HDAC11: variants seen among roughly 807,000 people sequenced by gnomAD.
HDAC11 encodes the protein histone deacetylase 11.
In HDAC11, 23 loss-of-function variants were observed where a neutral mutation model predicts 41.1. That is an observed-to-expected ratio of 0.56 (90% CI 0.40 to 0.79). HDAC11 has a LOEUF of 0.79. Ranked by LOEUF, HDAC11 falls within the 30% of genes least tolerant of loss-of-function variation. The pLI, the probability that HDAC11 is intolerant of heterozygous loss-of-function variation, is 0.00. For synonymous variants in HDAC11, 187 were observed against 186.6 expected, an observed-to-expected ratio of 1.00 and a Z score of -0.02; for missense variants, 402 against 477.3, an observed-to-expected ratio of 0.84 and a Z score of 1.47.
At chr3:13,490,744 CTTTTTTTTTTTTTTTT>C (rs59531656) in intron 3 of HDAC11, among the ~76,000 whole-genome samples, 4 of 41,404 alleles carry the variant, frequency 9.7e-5, no homozygotes, top group African/African-American at 3.1e-4. Flanking sequence ...GCATTTTTTT[CTTTTTTTTTTTTTTTT>C]TTTTTTTTTT....
rs1701298969 is a variant in HDAC11, at chr3:13,481,183, G to A, written c.3-63G>A. ...CTGGTGGGTCAGTCCAGGCGGGCTCGGGAGGGAGCTGCTTTCTGCCGAGGC... is the reference window on the plus strand; with the variant it reads ...CTGGTGGGTCAGTCCAGGCGGGCTCAGGAGGGAGCTGCTTTCTGCCGAGGC... On this transcript the variant is annotated intron_variant, in intron 1 of 9. Coordinates refer to ENST00000295757, the MANE Select transcript of HDAC11 (RefSeq NM_024827.4). 3.9e-6 allele frequency: 6 copies of A among 1,547,802 alleles called. No homozygotes were observed. The South Asian group carries it at 6.1e-5, about 16-fold the overall frequency.
intron 3 of HDAC11, among the ~76,000 whole-genome samples, chr3:13,488,699 A>G (rs1701710158): frequency 1.3e-5 from 2 of 152,164 alleles, no homozygotes; most frequent in Admixed American, 6.5e-5. Context: ...TATTGTGAGT[A>G]GTGTTGCTGT....
intron 3 of HDAC11, among the ~76,000 whole-genome samples, chr3:13,487,029 C>A (rs906782052): frequency 2.0e-5 from 3 of 152,066 alleles, no homozygotes; most frequent in African/African-American, 7.2e-5. Context: ...TTAGGGAGGC[C>A]AGAGCCCCAG....
intron 3 of HDAC11, among the ~76,000 whole-genome samples, chr3:13,496,166 C>T (rs868186054): frequency 2.6e-5 from 4 of 152,182 alleles, no homozygotes; most frequent in East Asian, 1.9e-4. Flanking sequence ...TTTCAGGTAC[C>T]GTAGACCCCC....
intron 6 of HDAC11, chr3:13,501,579 A>G: frequency 1.6e-6 from 1 of 644,976 alleles, no homozygotes; most frequent in Non-Finnish European, 2.9e-6. Context: ...GGAATCTGGG[A>G]AAATCCAGGG....
At position 13,486,977 on chromosome 3, in the gene HDAC11, G is replaced by A. The variant is rs539797670; in HGVS notation, c.252+3413G>A. On this transcript the variant is annotated intron_variant, in intron 3 of 9. Transcript: ENST00000295757. ...AGGGGAGAAGAATGCTTGGGAGGCCGGATGGAAGGGAATAAAACATTGTGG... is the reference window on the plus strand; with the variant it reads ...AGGGGAGAAGAATGCTTGGGAGGCCAGATGGAAGGGAATAAAACATTGTGG... 8.5e-5 allele frequency among the ~76,000 whole-genome samples: 13 copies of A among 152,160 alleles called. No homozygotes were observed. In the East Asian group the frequency reaches 9.6e-4, roughly 11 times the overall value.
chr3:13,504,406 C>T, intron 9 of HDAC11, 62 bp from the exon 10 acceptor site: 1 of 1,598,734 alleles, frequency 6.3e-7, no homozygotes, highest in Non-Finnish European at 8.5e-7. Flanking sequence ...AGCCCTGCAG[C>T]AGGACTTCCT....
At position 13,502,478 on chromosome 3, in the gene HDAC11, C is replaced by T; in HGVS notation, c.553-406C>T. On this transcript the variant is annotated intron_variant, in intron 7 of 9. Transcript: ENST00000295757. The surrounding 1 kb of genome is among the most constrained non-coding windows in gnomAD (Gnocchi z 4.1). ...GGGCTCCGGAAGGCACCCCCCTGCA[C>T]CATTACTGCTGTGGCTTTGTGCTAG... is the stretch of plus-strand genomic sequence containing the variant. 4.8e-6 allele frequency: 1 copy of T among 210,106 alleles called. No individual in the cohort carries two copies. The highest frequency in any genetic ancestry group is 9.6e-6 in the Non-Finnish European group (1 of 103,900). The allele number at this position is 210,106 out of a possible 1,614,324, so 13.0% of individuals were successfully genotyped here.
At position 13,481,406 on chromosome 3, in the gene HDAC11, C is replaced by A. The variant is rs746861560; in HGVS notation, c.151+12C>A. 1.2e-5 allele frequency: 19 copies of A among 1,613,268 alleles called. No homozygotes were observed. The African/African-American group carries it at 2.3e-4, about 19-fold the overall frequency. On this transcript the variant is annotated intron_variant, in intron 2 of 9. Coordinates refer to ENST00000295757, the MANE Select transcript of HDAC11 (RefSeq NM_024827.4). ...CAATTTCCTAAAAGGTATGGAAGGT[C>A]CCCCTTGGACTCTCATCTGCTTCCT...
chr3:13,492,759 G>T (rs1701924534), intron 3 of HDAC11, among the ~76,000 whole-genome samples: 5 of 152,114 alleles, frequency 3.3e-5, no homozygotes, highest in Admixed American at 3.3e-4. Context: ...GGCCAGGCTG[G>T]TCGTGAACTC....
chr3:13,486,572 T>G (rs1292063932), intron 3 of HDAC11, among the ~76,000 whole-genome samples: 664 of 15,658 alleles, frequency 0.042, 2 homozygotes, highest in African/African-American at 0.22. Context: ...TGTAGAGGTG[T>G]TTTTTTTTTT....
At chr3:13,483,662 A>G in intron 3 of HDAC11, 98 bp downstream of exon 3, 2 of 867,784 alleles carry the variant, frequency 2.3e-6, no homozygotes, top group Non-Finnish European at 3.9e-6. Flanking sequence ...GGGGAAGCCA[A>G]GTCTCACAGG....
chr3:13,494,623 G>C (rs562690868), intron 3 of HDAC11, among the ~76,000 whole-genome samples: 1 of 152,314 alleles, frequency 6.6e-6, no homozygotes, highest in South Asian at 2.1e-4. Context: ...TGGGCTTGTG[G>C]AAGTGGTGCC....
In HDAC11 at chr3:13,480,361, G is replaced by A; in HGVS notation, c.2+12G>A. ...GCCGGCCCCGGGATGTGAGTGCCGC[G>A]GGGCGAGGGCGGGGGTGGGCTCCCA... On this transcript the variant is annotated intron_variant, in intron 1 of 9. Transcript: ENST00000295757. This position sits in a 1 kb window ranked among gnomAD's most constrained non-coding sequence, Gnocchi z 4.6. The A allele has an allele frequency of 1.6e-6, 2 of 1,212,946 alleles. No individual in the cohort carries two copies. The highest frequency in any genetic ancestry group is 2.1e-6 in the Non-Finnish European group (2 of 975,270). 75.1% of individuals were successfully genotyped at this position (1,212,946 alleles called of 1,614,324 possible).
At chr3:13,501,996 C>A in intron 7 of HDAC11, 63 bp downstream of exon 7, 1 of 1,419,084 alleles carries the variant, frequency 7.0e-7, no homozygotes, top group Non-Finnish European at 9.9e-7. Flanking sequence ...AGAATCTTCC[C>A]GGGGCAGGAG....
intron 3 of HDAC11, among the ~76,000 whole-genome samples, chr3:13,488,277 A>G (rs1408598059): frequency 1.3e-5 from 2 of 152,192 alleles, no homozygotes; most frequent in South Asian, 2.1e-4. Flanking sequence ...TAAAATTTAC[A>G]TAACAAAATT....
In HDAC11 at chr3:13,504,776, G is replaced by C; in HGVS notation, c.*93G>C. ...CATGGGGTGGTGGAGGCAGCCTTCA[G>C]TGAGCATGGAGGGGCAGGGCCATCC... On this transcript the variant is annotated 3_prime_UTR_variant, in exon 10 of 10. Transcript: ENST00000295757. 2 of 1,137,520 alleles carry C rather than the reference G, an allele frequency of 1.8e-6. No homozygotes were observed. The highest frequency in any genetic ancestry group is 2.6e-6 in the Non-Finnish European group (2 of 779,510). 70.5% of individuals were successfully genotyped at this position (1,137,520 alleles called of 1,614,324 possible). A position where few individuals can be genotyped will look rare whatever the true frequency, so the allele number is the denominator to read the frequency against.
chr3:13,490,853 C>T (rs543613477), intron 3 of HDAC11, among the ~76,000 whole-genome samples: 16 of 145,072 alleles, frequency 1.1e-4, no homozygotes, highest in South Asian at 2.2e-4. Context: ...CAGGTTCAAG[C>T]GATTTTTCTG....
Position 13,502,774 on chromosome 3 carries a change from G to A in HDAC11, c.553-110G>A. On this transcript the variant is annotated intron_variant, in intron 7 of 9. Transcript: ENST00000295757. This position sits in a 1 kb window ranked among gnomAD's most constrained non-coding sequence, Gnocchi z 4.1. ...ATGAGACCTGCTGCCCCCGAGAGCA[G>A]GCCGTGCTGCCCTGGCAAATGGGGA... The A allele has an allele frequency of 1.3e-6, 1 of 756,720 alleles. No individual in the cohort carries two copies. The highest frequency in any genetic ancestry group is 2.3e-6 in the Non-Finnish European group (1 of 440,512). The allele number at this position is 756,720 out of a possible 1,614,324, so 46.9% of individuals were successfully genotyped here.
Sources: gnomAD v4.1 joint callset for allele counts (sites outside exome capture counted in the v4.1 genomes callset) on GRCh38, gnomAD v4.1.1 for gene constraint, Gnocchi (gnomAD v3.1) non-coding constraint, MANE v1.5 for transcripts, NCBI Gene and HGNC (gene_info 2026-07-23, HGNC 2026-07-21) for gene names.